AFF2: variants seen among roughly 807,000 people sequenced by gnomAD.
AFF2 encodes ALF transcription elongation factor 2.
In AFF2, 14 loss-of-function variants were observed where a neutral mutation model predicts 76.9. That is an observed-to-expected ratio of 0.18 (90% confidence interval 0.12 to 0.28). The LOEUF (loss-of-function observed/expected upper bound fraction) is 0.28, where lower values mean the gene tolerates loss of function less well. Among genes scored for constraint, AFF2 ranks in the 10% least tolerant of loss-of-function variants. AFF2 has a pLI of 1.00. For missense variants in AFF2, 868 were observed against 1,001.1 expected, an observed-to-expected ratio of 0.87 and a Z score of 1.79; for synonymous variants, 398 against 366.7, an observed-to-expected ratio of 1.09 and a Z score of -0.98.
At chrX:148,654,610 T>C (rs782730209) in intron 2 of AFF2, among the ~76,000 whole-genome samples, 3 of 109,530 alleles carry the variant, frequency 2.7e-5, no homozygotes, top group Admixed American at 9.8e-5. Flanking sequence ...GAGAGAAAGG[T>C]GAGGCTAAGT....
intron 20 of AFF2, among the ~76,000 whole-genome samples, chrX:148,988,861 C>T (rs2072503462): frequency 8.9e-6 from 1 of 112,044 alleles, no homozygotes; most frequent in Non-Finnish European, 1.9e-5. Flanking sequence ...CTCATTTGCC[C>T]TTATTTCATA....
intron 3 of AFF2, among the ~76,000 whole-genome samples, chrX:148,761,009 G>A (rs1418379264): frequency 8.9e-6 from 1 of 111,801 alleles, no homozygotes; most frequent in Non-Finnish European, 1.9e-5. Flanking sequence ...TAGAAAGAAT[G>A]TGTGAAGAAA....
chrX:148,720,635 A>G (rs993032339), intron 3 of AFF2, among the ~76,000 whole-genome samples: 2 of 109,986 alleles, frequency 1.8e-5, no homozygotes, highest in African/African-American at 3.3e-5. Flanking sequence ...GTTACTCCCA[A>G]AAAGATGGTG....
intron 3 of AFF2, among the ~76,000 whole-genome samples, chrX:148,753,969 G>A (rs782164106): frequency 1.8e-5 from 2 of 111,198 alleles, no homozygotes; most frequent in East Asian, 5.7e-4. Context: ...AAACTCCAGA[G>A]CCTCCCAATA....
chrX:148,969,353 A>G (rs1557289232), intron 15 of AFF2, among the ~76,000 whole-genome samples: 1 of 112,644 alleles, frequency 8.9e-6, no homozygotes, highest in African/African-American at 3.2e-5. Context: ...ATAAAGAGAG[A>G]ATAAGTATAT....
At chrX:148,808,896 T>C (rs1466628254) in intron 3 of AFF2, among the ~76,000 whole-genome samples, 2 of 111,668 alleles carry the variant, frequency 1.8e-5, no homozygotes, top group Non-Finnish European at 3.8e-5. Context: ...TTAAGTCTGT[T>C]GGGGAGTTAA....
intron 3 of AFF2, among the ~76,000 whole-genome samples, chrX:148,717,361 A>G (rs2055037741): frequency 9.3e-6 from 1 of 107,383 alleles, no homozygotes; most frequent in African/African-American, 3.5e-5. Flanking sequence ...AGAAATAGGC[A>G]AGTCCCTAGA....
intron 3 of AFF2, among the ~76,000 whole-genome samples, chrX:148,778,192 G>A (rs782493947): frequency 1.8e-5 from 2 of 111,845 alleles, no homozygotes; most frequent in South Asian, 7.6e-4. Flanking sequence ...TTGCATCCCA[G>A]GGATGAAGCC....
intron 3 of AFF2, among the ~76,000 whole-genome samples, chrX:148,758,250 GAGA>G (rs2069398206): frequency 8.9e-6 from 1 of 112,304 alleles, no homozygotes; most frequent in South Asian, 3.6e-4. Context: ...GAAAATTTGA[GAGA>G]AGAACTGTCA....
At chrX:148,504,682 A>G (rs1486328000) in intron 1 of AFF2, among the ~76,000 whole-genome samples, 1 of 113,115 alleles carries the variant, frequency 8.8e-6, no homozygotes, top group African/African-American at 3.2e-5. Context: ...GGCCTGCCCC[A>G]GCAGTCCGAA....
intron 7 of AFF2, among the ~76,000 whole-genome samples, chrX:148,883,683 A>G (rs2071123465): frequency 9.0e-6 from 1 of 111,266 alleles, no homozygotes; most frequent in African/African-American, 3.3e-5. Context: ...GTATACTCCC[A>G]ATTCTAGCTG....
intron 7 of AFF2, among the ~76,000 whole-genome samples, chrX:148,871,846 G>A (rs781851286): frequency 1.3e-4 from 15 of 111,663 alleles, no homozygotes; most frequent in Non-Finnish European, 2.3e-4. Context: ...TTCCCTTGGT[G>A]AGGCTTCTGC....
chrX:148,799,431 AG>A (rs1353896125), intron 3 of AFF2, among the ~76,000 whole-genome samples: 4 of 112,200 alleles, frequency 3.6e-5, no homozygotes, highest in African/African-American at 1.3e-4. Flanking sequence ...CTGAAAATGG[AG>A]GTTGTCTTTC....
At chrX:148,796,771 C>G (rs782755683) in intron 3 of AFF2, among the ~76,000 whole-genome samples, 7 of 111,854 alleles carry the variant, frequency 6.3e-5, no homozygotes, top group Non-Finnish European at 1.1e-4. Flanking sequence ...ATGTTTTTTT[C>G]TTTCAAAATA....
chrX:148,680,842 C>T (rs912178322), intron 3 of AFF2, among the ~76,000 whole-genome samples: 2 of 111,366 alleles, frequency 1.8e-5, no homozygotes, highest in African/African-American at 6.5e-5. Flanking sequence ...CTAAGCCCTA[C>T]AAGACACTAG....
At chrX:148,728,020 G>T (rs1475023884) in intron 3 of AFF2, among the ~76,000 whole-genome samples, 4 of 112,306 alleles carry the variant, frequency 3.6e-5, no homozygotes, top group Non-Finnish European at 5.6e-5. Context: ...CAGGGAAAAA[G>T]TTGCAAGACA....
intron 8 of AFF2, among the ~76,000 whole-genome samples, chrX:148,894,315 G>A (rs1025903524): frequency 1.8e-5 from 2 of 111,376 alleles, no homozygotes; most frequent in Non-Finnish European, 3.8e-5. Flanking sequence ...TGCTAAAAAA[G>A]TCACCAGGCA....
At chrX:148,890,906 G>T (rs1039774646) in intron 8 of AFF2, among the ~76,000 whole-genome samples, 6 of 112,069 alleles carry the variant, frequency 5.4e-5, no homozygotes, top group Admixed American at 9.5e-5. Flanking sequence ...GAACAGTGTT[G>T]GAATTAGACA....
intron 1 of AFF2, among the ~76,000 whole-genome samples, chrX:148,596,613 G>C (rs1199771793): frequency 8.9e-6 from 1 of 112,197 alleles, no homozygotes; most frequent in Non-Finnish European, 1.9e-5. Context: ...TAGTATTTCA[G>C]CTCTCCCAAT....
Sources: allele counts gnomAD v4.1 joint callset (sites outside exome capture counted in the v4.1 genomes callset), GRCh38; gene constraint gnomAD v4.1.1; transcripts MANE v1.5; gene names NCBI Gene and HGNC (gene_info 2026-07-23, HGNC 2026-07-21).